The following ADD3 variants were observed in gnomAD, a reference collection of about 807,000 sequenced individuals.
The protein encoded by ADD3 is adducin 3, also known as gamma-adducin.
A neutral mutation model predicts 80.2 loss-of-function variants in ADD3; 25 were observed. The ratio of observed to expected loss-of-function variants is 0.31; its 90% CI spans 0.23 to 0.44. The LOEUF (loss-of-function observed/expected upper bound fraction) is 0.44. Among genes scored for constraint, ADD3 ranks in the 20% least tolerant of loss-of-function variants. The pLI, the probability that ADD3 is intolerant of heterozygous loss-of-function variation, is 1.00. For missense variants in ADD3, 829 were observed against 847.5 expected (o/e 0.98, Z 0.27); for synonymous variants, 284 against 289.6 (o/e 0.98, Z 0.20).
intron 1 of ADD3, among the ~76,000 whole-genome samples, chr10:110,039,629 A>G (rs1286712339): frequency 6.6e-6 from 1 of 152,218 alleles, no homozygotes; most frequent in East Asian, 1.9e-4. Context: ...ATAACAAATT[A>G]CCCCCAAACT....
At chr10:110,023,941 T>C (rs1360826748) in intron 1 of ADD3, among the ~76,000 whole-genome samples, 1 of 152,188 alleles carries the variant, frequency 6.6e-6, no homozygotes, top group African/African-American at 2.4e-5. Flanking sequence ...CCACATGTTC[T>C]CACTTAAAGT....
At chr10:110,124,888 C>G (rs1851952844) in intron 10 of ADD3, among the ~76,000 whole-genome samples, 1 of 152,150 alleles carries the variant, frequency 6.6e-6, no homozygotes, top group African/African-American at 2.4e-5. Context: ...CAGCTCAACA[C>G]AAATTTGTAA....
intron 1 of ADD3, among the ~76,000 whole-genome samples, chr10:110,063,925 A>AG (rs960657465): frequency 1.3e-5 from 2 of 151,234 alleles, no homozygotes; most frequent in Non-Finnish European, 3.0e-5. Context: ...CCATATTCTA[A>AG]ATTCAAAGTT....
At chr10:110,050,738 C>T (rs145311603) in intron 1 of ADD3, among the ~76,000 whole-genome samples, 388 of 152,002 alleles carry the variant, frequency 2.6e-3, no homozygotes, top group Middle Eastern at 0.01. Flanking sequence ...CTTGAACTCC[C>T]GACCTTTCAA....
chr10:110,125,972 G>A (rs1852094491), intron 11 of ADD3, 27 bp downstream of exon 11: 1 of 1,574,412 alleles, frequency 6.4e-7, no homozygotes, highest in East Asian at 2.3e-5. Context: ...TATAGCCAGG[G>A]GAGACATTTT....
chr10:110,010,533 A>G (rs1031102879), intron 1 of ADD3, among the ~76,000 whole-genome samples: 1 of 152,204 alleles, frequency 6.6e-6, no homozygotes, highest in African/African-American at 2.4e-5. Context: ...TGTGTTTATC[A>G]TTATCAGTAT....
At chr10:110,015,462 G>A (rs184915980) in intron 1 of ADD3, among the ~76,000 whole-genome samples, 119 of 149,694 alleles carry the variant, frequency 7.9e-4, no homozygotes, top group African/African-American at 2.9e-3. Context: ...TGCAAGCTCC[G>A]CCTCCTGGGT....
intron 1 of ADD3, among the ~76,000 whole-genome samples, chr10:110,050,413 C>G (rs1407146525): frequency 1.3e-5 from 2 of 151,812 alleles, no homozygotes; most frequent in Admixed American, 1.3e-4. Flanking sequence ...CTCTCATTCT[C>G]TCTTGTCTGC....
In ADD3 at chr10:110,119,108, G is replaced by A. The variant is rs538893180; in HGVS notation, c.718-103G>A. 136 of 1,278,442 alleles carry A rather than the reference G, an allele frequency of 1.1e-4. 1 individual carries two copies. The South Asian group carries it at 1.9e-3, about 17-fold the overall frequency. 79.2% of individuals were successfully genotyped at this position (1,278,442 alleles called of 1,614,324 possible). A position where few individuals can be genotyped will look rare whatever the true frequency, so the allele number is the denominator to read the frequency against. ...AAGTGGGCTGCAATGGTGAAACACA[G>A]TGAATAGGCCAGTGTTTTCCTGAGC... On this transcript the variant is annotated intron_variant, in intron 6 of 14. Transcript: ENST00000356080.
chr10:110,040,338 C>T (rs1369803688), intron 1 of ADD3, among the ~76,000 whole-genome samples: 1 of 152,132 alleles, frequency 6.6e-6, no homozygotes, highest in Non-Finnish European at 1.5e-5. Context: ...TTTGCCAAGA[C>T]TGGAAGGTGA....
At chr10:110,004,810 AAAC>A (rs1851566308), upstream of ADD3, among the ~76,000 whole-genome samples, 2 of 152,102 alleles carry the variant, frequency 1.3e-5, no homozygotes, top group Non-Finnish European at 1.5e-5. Context: ...ATAGAGAAAA[AAAC>A]ATAACTGGTA....
chr10:110,013,603 T>A (rs1564838437), intron 1 of ADD3, among the ~76,000 whole-genome samples: 1 of 152,188 alleles, frequency 6.6e-6, no homozygotes. Flanking sequence ...ATAACAGTGA[T>A]CACAGATACG....
chr10:110,092,363 A>G lies in ADD3; in HGVS notation c.-29-8262A>G, dbSNP rs1303837996. On this transcript the variant is annotated intron_variant, in intron 1 of 14. Coordinates refer to ENST00000356080, the MANE Select transcript of ADD3 (RefSeq NM_016824.5). Reference sequence around the variant, plus strand: ...TCTGAATGAAGAAAATTTGGTACATATATACCTTCGAATACTATGCAACCA... The same window carrying G: ...TCTGAATGAAGAAAATTTGGTACATGTATACCTTCGAATACTATGCAACCA... Among the ~76,000 whole-genome samples the G allele has an allele frequency of 1.3e-5, 2 of 152,220 alleles. 1 individual carries two copies. Among genetic ancestry groups the G allele is most frequent in the East Asian group, 3.8e-4 (2 of 5,204 alleles).
At chr10:110,079,677 T>A (rs1485420473) in intron 1 of ADD3, among the ~76,000 whole-genome samples, 1 of 151,976 alleles carries the variant, frequency 6.6e-6, no homozygotes, top group Non-Finnish European at 1.5e-5. Flanking sequence ...TGCCTTAGCC[T>A]CCCGAGTAGC....
At chr10:110,039,077 A>G (rs1051277126) in intron 1 of ADD3, among the ~76,000 whole-genome samples, 3 of 152,182 alleles carry the variant, frequency 2.0e-5, no homozygotes, top group African/African-American at 7.2e-5. Context: ...GAAACTCTTC[A>G]GAAATGTTTC....
intron 1 of ADD3, among the ~76,000 whole-genome samples, chr10:110,092,132 C>T (rs1847593897): frequency 6.6e-6 from 1 of 152,116 alleles, no homozygotes; most frequent in African/African-American, 2.4e-5. Flanking sequence ...TTATACACTG[C>T]TGTCCAGCCA....
intron 1 of ADD3, among the ~76,000 whole-genome samples, chr10:110,028,555 A>G (rs1854588254): frequency 6.6e-6 from 1 of 152,204 alleles, no homozygotes; most frequent in Non-Finnish European, 1.5e-5. Flanking sequence ...ACAGAGTGAG[A>G]TTCCGTCTCA....
At chr10:110,036,536 C>T (rs555357758) in intron 1 of ADD3, among the ~76,000 whole-genome samples, 4 of 152,034 alleles carry the variant, frequency 2.6e-5, no homozygotes, top group East Asian at 1.9e-4. Flanking sequence ...CCTGCCACCA[C>T]GCCTGGCTAA....
At chr10:110,035,010 A>C (rs1855477152) in intron 1 of ADD3, among the ~76,000 whole-genome samples, 1 of 152,226 alleles carries the variant, frequency 6.6e-6, no homozygotes, top group South Asian at 2.1e-4. Flanking sequence ...CCCTCAAACC[A>C]AATCATGAGA....
Sources: gnomAD v4.1 joint callset for allele counts (sites outside exome capture counted in the v4.1 genomes callset) on GRCh38, gnomAD v4.1.1 for gene constraint, MANE v1.5 for transcripts, NCBI Gene and HGNC (gene_info 2026-07-23, HGNC 2026-07-21) for gene names.